The following DNAAF11 variants were observed in gnomAD, a reference collection of about 807,000 sequenced individuals.
DNAAF11 encodes the protein leucine rich repeat containing 6.
Under a neutral mutation model 60.8 loss-of-function variants are expected in DNAAF11, and 45 were observed. The observed-to-expected ratio is 0.74, with a 90% CI of 0.58 to 0.95. DNAAF11 has a LOEUF of 0.95. DNAAF11 is among the 40% of genes least tolerant of loss of function. The pLI is 0.00. For missense variants in DNAAF11, 546 were observed against 546.2 expected, an observed-to-expected ratio of 1.00 and a Z score of 0.00; for synonymous variants, 191 against 183.5, an observed-to-expected ratio of 1.04 and a Z score of -0.33.
intron 7 of DNAAF11, among the ~76,000 whole-genome samples, chr8:132,617,302 A>G (rs957298703): frequency 6.6e-6 from 1 of 152,160 alleles, no homozygotes; most frequent in Admixed American, 6.5e-5. Flanking sequence ...CCAAAAAACA[A>G]AATCAAAAGG....
chr8:132,572,329 G>A lies in DNAAF11; in HGVS notation c.1378C>T (p.Pro460Ser). 1 of 1,613,312 alleles carries A rather than the reference G, an allele frequency of 6.2e-7. No individual in the cohort carries two copies. The highest frequency in any genetic ancestry group is 8.5e-7 in the Non-Finnish European group (1 of 1,179,718). Residue 460 changes from proline (P) to serine (S), a missense_variant, in exon 12 of 12, where the codon CCT (proline) becomes TCT (serine). Transcript: ENST00000620350. ...SEEDPTFEDN[P>S]EVPPLI The stretch of plus-strand genomic sequence containing the variant: ...TTTCAAATCAGCGGAGGCACTTCAG[G>A]GTTGTCTTCAAAGGTTGGGTCTTCC...
At chr8:132,668,390 A>G (rs556575593) in intron 1 of DNAAF11, among the ~76,000 whole-genome samples, 4 of 152,310 alleles carry the variant, frequency 2.6e-5, no homozygotes, top group Admixed American at 6.5e-5. Flanking sequence ...GGAGACAGTG[A>G]TCGGTGCTAC....
upstream of DNAAF11, among the ~76,000 whole-genome samples, chr8:132,677,029 C>G (rs1190218022): frequency 6.6e-6 from 1 of 152,204 alleles, no homozygotes; most frequent in Non-Finnish European, 1.5e-5. Flanking sequence ...TGGCATCAGA[C>G]AGATGACTTC....
intron 3 of DNAAF11, among the ~76,000 whole-genome samples, chr8:132,642,765 C>T (rs1424420134): frequency 6.6e-6 from 1 of 152,224 alleles, no homozygotes; most frequent in South Asian, 2.1e-4. Flanking sequence ...GCAACAGATA[C>T]TTGCAACTGC....
chr8:132,623,194 C>A (rs1020579633), intron 6 of DNAAF11, among the ~76,000 whole-genome samples: 2 of 152,144 alleles, frequency 1.3e-5, no homozygotes, highest in Non-Finnish European at 2.9e-5. Flanking sequence ...ACCCCTGGAA[C>A]TGTTGTGAAT....
At chr8:132,608,201 T>A (rs1213655800) in intron 10 of DNAAF11, among the ~76,000 whole-genome samples, 5 of 152,140 alleles carry the variant, frequency 3.3e-5, no homozygotes, top group Non-Finnish European at 7.4e-5. Context: ...AAAGTTTGTT[T>A]TTACTATCTA....
At chr8:132,605,874 A>C (rs1483151508) in intron 10 of DNAAF11, among the ~76,000 whole-genome samples, 1 of 151,918 alleles carries the variant, frequency 6.6e-6, no homozygotes, top group Non-Finnish European at 1.5e-5. Flanking sequence ...TGTTTGTGAA[A>C]TAGCAAGGAA....
rs147736142 is a variant in DNAAF11 at position 132,616,118 on chromosome 8, G to A, written c.915-1021C>T. On this transcript the variant is annotated intron_variant, in intron 7 of 11. Transcript: ENST00000620350. ...TTTCAGAGAATTTTCCTATGGCAGAGATTGCTATTTAGTTGCTATCTGCTT... is the reference window on the plus strand; with the variant it reads ...TTTCAGAGAATTTTCCTATGGCAGAAATTGCTATTTAGTTGCTATCTGCTT... Among the ~76,000 whole-genome samples the A allele has an allele frequency of 2.0e-3, 311 of 152,212 alleles. 1 individual carries two copies. Among genetic ancestry groups the A allele is most frequent in the African/African-American group, 6.9e-3 (287 of 41,530 alleles).
intron 1 of DNAAF11, among the ~76,000 whole-genome samples, chr8:132,664,088 C>T (rs1286936680): frequency 6.6e-6 from 1 of 152,230 alleles, no homozygotes; most frequent in African/African-American, 2.4e-5. Flanking sequence ...GGTAAGAAGA[C>T]ATATTTTATT....
intron 1 of DNAAF11, 144 bp downstream of exon 1, chr8:132,675,340 G>T: frequency 1.2e-6 from 1 of 814,864 alleles, no homozygotes; most frequent in Non-Finnish European, 1.9e-6. Flanking sequence ...GGGCTGCGGT[G>T]CGGAGGGCCG....
In DNAAF11 at chr8:132,625,434, T is replaced by C; in HGVS notation, c.674A>G (p.Asp225Gly). 2.5e-6 allele frequency: 4 copies of C among 1,609,052 alleles called. No homozygotes were observed. Among genetic ancestry groups the C allele is most frequent in the Non-Finnish European group, 3.4e-6 (4 of 1,178,284 alleles). ...CTCTGTGTCTGGTGCCTGTAGGTGG[T>C]CTTTGCTCTCTAAAGAGGAACTAGG... ...NATLSSLESK[D>G]HLQAPDTEEH... The change falls in exon 6 of 12, where the codon GAC becomes GGC. Residue 225 changes from aspartate (D) to glycine (G), a missense_variant. By Grantham distance (94) the Asp-to-Gly change is moderately conservative. Coordinates refer to ENST00000620350, the MANE Select transcript of DNAAF11 (RefSeq NM_012472.6).
chr8:132,666,201 T>C (rs982673662), intron 1 of DNAAF11, among the ~76,000 whole-genome samples: 2 of 152,150 alleles, frequency 1.3e-5, no homozygotes, highest in Non-Finnish European at 1.5e-5. Context: ...CATCATCCAA[T>C]ATACCCATGT....
At chr8:132,645,342 C>G (rs1822269454) in intron 3 of DNAAF11, among the ~76,000 whole-genome samples, 1 of 152,176 alleles carries the variant, frequency 6.6e-6, no homozygotes, top group Admixed American at 6.5e-5. Context: ...ACGTCACCAT[C>G]ATCAAAGACC....
At chr8:132,607,268 G>A (rs1205752676) in intron 10 of DNAAF11, among the ~76,000 whole-genome samples, 2 of 152,188 alleles carry the variant, frequency 1.3e-5, no homozygotes, top group African/African-American at 4.8e-5. Context: ...TTGTTAAAAC[G>A]GTAGAGGAAG....
intron 3 of DNAAF11, among the ~76,000 whole-genome samples, chr8:132,643,013 T>C (rs1011883446): frequency 1.3e-5 from 2 of 152,200 alleles, no homozygotes; most frequent in Non-Finnish European, 2.9e-5. Flanking sequence ...TTAGTTCTCA[T>C]ACGAGCACGC....
chr8:132,611,441 T>G, intron 8 of DNAAF11, 78 bp from the exon 9 acceptor site: 1 of 764,524 alleles, frequency 1.3e-6, no homozygotes, highest in Non-Finnish European at 2.1e-6. Flanking sequence ...AATTCACACT[T>G]ACAGGACCAT....
intron 10 of DNAAF11, among the ~76,000 whole-genome samples, chr8:132,588,793 C>T (rs961478432): frequency 2.0e-5 from 3 of 152,044 alleles, no homozygotes; most frequent in Non-Finnish European, 2.9e-5. Context: ...ATGGTGGCAT[C>T]GGCTTCTGGG....
chr8:132,687,302 A>G, the DNAAF11 span, among the ~76,000 whole-genome samples: 11 of 152,244 alleles, frequency 7.2e-5, no homozygotes, highest in African/African-American at 2.2e-4. Context: ...CATTCAACAT[A>G]TAATTTCCAA....
At chr8:132,664,837 C>T (rs955229126) in intron 1 of DNAAF11, among the ~76,000 whole-genome samples, 6 of 151,946 alleles carry the variant, frequency 3.9e-5, no homozygotes, top group Admixed American at 6.6e-5. Flanking sequence ...TCTTCTCTTT[C>T]GAAGGCATGT....
Sources: gnomAD v4.1 joint callset for allele counts (sites outside exome capture counted in the v4.1 genomes callset) on GRCh38, gnomAD v4.1.1 for gene constraint, MANE v1.5 for transcripts, NCBI Gene and HGNC (gene_info 2026-07-23, HGNC 2026-07-21) for gene names.